EYS: variants seen among roughly 807,000 people sequenced by gnomAD.
The protein encoded by EYS is protein eyes shut homolog.
Under a neutral mutation model 282.1 loss-of-function variants are expected in EYS, and 250 were observed. The ratio of observed to expected loss-of-function variants is 0.89; its 90% CI spans 0.80 to 0.98. The LOEUF (loss-of-function observed/expected upper bound fraction) is 0.98. Ranked by LOEUF, EYS falls within the 50% of genes least tolerant of loss-of-function variation. EYS has a pLI of 0.00. For missense variants in EYS, 4,016 were observed against 3,709.0 expected, an observed-to-expected ratio of 1.08 and a Z score of -2.15; for synonymous variants, 1,355 against 1,282.9, an observed-to-expected ratio of 1.06 and a Z score of -1.20.
chr6:63,736,264 T>C (rs572288588), intron 41 of EYS, among the ~76,000 whole-genome samples: 1 of 152,338 alleles, frequency 6.6e-6, no homozygotes, highest in East Asian at 1.9e-4. Flanking sequence ...AATTTTTGTA[T>C]AAGGTGTAAG....
chr6:64,284,484 G>C (rs1377884917), intron 30 of EYS, among the ~76,000 whole-genome samples: 2 of 152,028 alleles, frequency 1.3e-5, no homozygotes, highest in Admixed American at 1.3e-4. Flanking sequence ...GTCTGTGGCT[G>C]TAAGCTGTGG....
intron 12 of EYS, among the ~76,000 whole-genome samples, chr6:65,074,928 A>G (rs1774001897): frequency 6.6e-6 from 1 of 152,094 alleles, no homozygotes; most frequent in African/African-American, 2.4e-5. Context: ...ACTAGGGCAC[A>G]TTGTCTAAGA....
chr6:65,252,651 C>T (rs12191252), intron 12 of EYS, among the ~76,000 whole-genome samples: 6,405 of 151,932 alleles, frequency 0.042, 184 homozygotes, highest in Middle Eastern at 0.065. Flanking sequence ...GTTTAAATGT[C>T]GAATTTATCT....
At chr6:65,698,505 A>G (rs189471746) in intron 1 of EYS, among the ~76,000 whole-genome samples, 153 of 152,248 alleles carry the variant, frequency 1.0e-3, no homozygotes, top group Non-Finnish European at 1.7e-3. Flanking sequence ...AACTATCCAC[A>G]TTTACTTTTA....
intron 35 of EYS, among the ~76,000 whole-genome samples, chr6:63,940,156 A>C (rs535972135): frequency 2.6e-5 from 4 of 152,210 alleles, no homozygotes; most frequent in African/African-American, 9.7e-5. Context: ...TGGGACCCAT[A>C]TGAAGTGCCA....
intron 26 of EYS, among the ~76,000 whole-genome samples, chr6:64,491,641 C>G (rs1027873205): frequency 1.3e-5 from 2 of 150,846 alleles, no homozygotes; most frequent in Non-Finnish European, 1.5e-5. Flanking sequence ...AAAATAAGTA[C>G]CATTATCCTC....
At chr6:64,322,525 A>G (rs1467258638) in intron 29 of EYS, among the ~76,000 whole-genome samples, 1 of 152,050 alleles carries the variant, frequency 6.6e-6, no homozygotes, top group Non-Finnish European at 1.5e-5. Flanking sequence ...TATCTCAGAG[A>G]GAAGGAAAGT....
intron 11 of EYS, among the ~76,000 whole-genome samples, chr6:65,318,977 G>A (rs1562093955): frequency 1.3e-5 from 2 of 151,264 alleles, no homozygotes; most frequent in South Asian, 4.2e-4. Context: ...ATTTTTTTCT[G>A]ATATTAATAT....
chr6:63,786,124 T>C (rs1267680240), intron 39 of EYS: 1 of 150,760 alleles, frequency 6.6e-6, no homozygotes, highest in Non-Finnish European at 1.5e-5. Flanking sequence ...GGTGGGAGGA[T>C]TGATTGAGCC....
At chr6:64,686,240 A>C (rs1000862981) in intron 22 of EYS, among the ~76,000 whole-genome samples, 1 of 152,010 alleles carries the variant, frequency 6.6e-6, no homozygotes, top group Non-Finnish European at 1.5e-5. Context: ...TAAAAAGATA[A>C]ATTTCAATAA....
chr6:63,988,445 T>C (rs569117398), intron 34 of EYS, among the ~76,000 whole-genome samples: 3 of 151,540 alleles, frequency 2.0e-5, no homozygotes, highest in Middle Eastern at 3.2e-3. Context: ...ACAATGGAAA[T>C]AGATGGCTCC....
chr6:63,866,186 A>G (rs570780227), intron 35 of EYS, among the ~76,000 whole-genome samples: 249 of 152,158 alleles, frequency 1.6e-3, no homozygotes, highest in African/African-American at 5.7e-3. Context: ...GAGAATAGCG[A>G]TAAAAGCACA....
chr6:64,709,430 AT>A (rs202215478), intron 22 of EYS, among the ~76,000 whole-genome samples: 4 of 151,864 alleles, frequency 2.6e-5, no homozygotes, highest in Non-Finnish European at 4.4e-5. Flanking sequence ...TTATATAAAT[AT>A]TTTTTCTCTC....
At chr6:64,815,047 C>T (rs1055991736) in intron 21 of EYS, among the ~76,000 whole-genome samples, 3 of 151,964 alleles carry the variant, frequency 2.0e-5, no homozygotes, top group African/African-American at 7.2e-5. Context: ...TGTTAAAAAT[C>T]ATCAGAGAGA....
At chr6:65,638,650 C>G (rs974672827) in intron 2 of EYS, among the ~76,000 whole-genome samples, 3 of 152,186 alleles carry the variant, frequency 2.0e-5, no homozygotes, top group Non-Finnish European at 2.9e-5. Context: ...GCACCTGTGC[C>G]GGTGCCTGGA....
intron 12 of EYS, among the ~76,000 whole-genome samples, chr6:65,207,348 A>G (rs1300698201): frequency 6.9e-6 from 1 of 144,010 alleles, no homozygotes; most frequent in Non-Finnish European, 1.5e-5. Flanking sequence ...AAGAAGAACT[A>G]AAAGACACTG....
chr6:64,632,360 A>T (rs1767812352), intron 22 of EYS, among the ~76,000 whole-genome samples: 1 of 152,158 alleles, frequency 6.6e-6, no homozygotes, highest in South Asian at 2.1e-4. Flanking sequence ...GTAACTGATC[A>T]TACTTAATCA....
chr6:64,479,212 T>C (rs770651320), intron 26 of EYS, among the ~76,000 whole-genome samples: 1 of 152,000 alleles, frequency 6.6e-6, no homozygotes, highest in Admixed American at 6.6e-5. Context: ...ATGGCTCTCA[T>C]AAGCTGTTGT....
chr6:64,982,351 A>G (rs1222306359), intron 14 of EYS, among the ~76,000 whole-genome samples: 2 of 151,438 alleles, frequency 1.3e-5, no homozygotes, highest in Admixed American at 6.6e-5. Context: ...AATAACTTAA[A>G]TATGCCAACA....
Sources: gnomAD v4.1 joint callset for allele counts (sites outside exome capture counted in the v4.1 genomes callset) on GRCh38, gnomAD v4.1.1 for gene constraint, MANE v1.5 for transcripts, NCBI Gene and HGNC (gene_info 2026-07-23, HGNC 2026-07-21) for gene names.